The following RBFOX2 variants were observed in gnomAD, a reference collection of about 807,000 sequenced individuals.
RBFOX2 encodes the protein RNA binding fox-1 homolog 2.
RBFOX2 carries 10 observed loss-of-function variants against 49.1 expected under a neutral mutation model. The ratio of observed to expected loss-of-function variants is 0.20; its 90% CI spans 0.13 to 0.35. The LOEUF (loss-of-function observed/expected upper bound fraction) is 0.35, where lower values mean the gene tolerates loss of function less well. Among genes scored for constraint, RBFOX2 ranks in the 10% least tolerant of loss-of-function variants. The pLI, the probability that RBFOX2 is intolerant of heterozygous loss-of-function variation, is 1.00. For synonymous variants in RBFOX2, 183 were observed against 187.4 expected (o/e 0.98, Z 0.19); for missense variants, 323 against 486.9 (o/e 0.66, Z 3.17).
chr22:36,012,894 A>G (rs2058877658), intron 1 of RBFOX2, among the ~76,000 whole-genome samples: 1 of 151,982 alleles, frequency 6.6e-6, no homozygotes. Context: ...CCACCCAAGT[A>G]GCTGGGATTA....
At chr22:35,982,279 T>A (rs554929508) in intron 1 of RBFOX2, among the ~76,000 whole-genome samples, 33 of 152,272 alleles carry the variant, frequency 2.2e-4, no homozygotes, top group African/African-American at 7.5e-4. Context: ...TCTCTATTCT[T>A]TCTACTGTTT....
intron 1 of RBFOX2, among the ~76,000 whole-genome samples, chr22:35,991,838 G>T (rs1279036731): frequency 6.6e-6 from 1 of 152,056 alleles, no homozygotes; most frequent in Non-Finnish European, 1.5e-5. Flanking sequence ...TAAAAATGAG[G>T]CCTCAAGATT....
At chr22:35,897,867 T>C (rs2048057263) in intron 1 of RBFOX2, 1 of 733,664 alleles carries the variant, frequency 1.4e-6, no homozygotes, top group South Asian at 1.4e-5. Context: ...TTCTCAAATA[T>C]CTAGAAGAGC....
chr22:35,994,749 G>A (rs1450661689), intron 1 of RBFOX2: 1 of 151,394 alleles, frequency 6.6e-6, no homozygotes, highest in Non-Finnish European at 1.5e-5. Context: ...AGAGATGCGG[G>A]TCTCACTTTG....
intron 4 of RBFOX2, among the ~76,000 whole-genome samples, chr22:35,774,441 T>A (rs900031969): frequency 6.6e-6 from 1 of 152,176 alleles, no homozygotes; most frequent in African/African-American, 2.4e-5. Context: ...AGTACATTTT[T>A]AAAAGCCTAG....
chr22:35,803,022 C>T (rs892079138), intron 2 of RBFOX2, among the ~76,000 whole-genome samples: 10 of 152,074 alleles, frequency 6.6e-5, no homozygotes, highest in East Asian at 1.9e-4. Context: ...TAGGAAGACA[C>T]GGGTGCCTCC....
intron 4 of RBFOX2, among the ~76,000 whole-genome samples, chr22:35,774,189 A>G (rs1943356677): frequency 6.6e-6 from 1 of 152,108 alleles, no homozygotes; most frequent in African/African-American, 2.4e-5. Context: ...TGAGAGAGAA[A>G]GGGGTCATTT....
intron 1 of RBFOX2, among the ~76,000 whole-genome samples, chr22:35,949,626 A>G (rs1448313721): frequency 6.6e-6 from 1 of 152,066 alleles, no homozygotes; most frequent in Non-Finnish European, 1.5e-5. Flanking sequence ...GTTTTGATTT[A>G]TATTTCCTTT....
chr22:35,849,004 CAATGACCT>C (rs2041562255), intron 1 of RBFOX2, among the ~76,000 whole-genome samples: 1 of 152,080 alleles, frequency 6.6e-6, no homozygotes, highest in East Asian at 1.9e-4. Flanking sequence ...ATATGCTTGG[CAATGACCT>C]AACATTTTCT....
rs749116688 is a variant in RBFOX2 at position 35,947,143 on chromosome 22, G to T, written c.43-8246C>A. 2.6e-5 allele frequency among the ~76,000 whole-genome samples: 4 copies of T among 152,064 alleles called. No individual in the cohort carries two copies. In the East Asian group the frequency reaches 7.7e-4, roughly 29 times the overall value. On this transcript the variant is annotated intron_variant, in intron 1 of 5. Transcript: ENST00000408983. ...GGAAGCAGAGGCTGCAGTGAGCTGA[G>T]ATCGTGCCACTGCACTCCAGCCTGG...
At chr22:35,994,666 AAAGTGCTGG>A (rs2058115537) in intron 1 of RBFOX2, 1 of 152,102 alleles carries the variant, frequency 6.6e-6, no homozygotes, top group Non-Finnish European at 1.5e-5. Context: ...TCGGCCTCCC[AAAGTGCTGG>A]AATTACAAGC....
upstream of RBFOX2, among the ~76,000 whole-genome samples, chr22:35,962,251 A>C (rs2088176584): frequency 1.3e-5 from 2 of 152,134 alleles, no homozygotes; most frequent in African/African-American, 4.8e-5. Flanking sequence ...TGGGGAGGAG[A>C]ATTAGGTAAA....
At chr22:35,800,781 A>G (rs1358922087) in intron 2 of RBFOX2, among the ~76,000 whole-genome samples, 1 of 152,222 alleles carries the variant, frequency 6.6e-6, no homozygotes, top group African/African-American at 2.4e-5. Flanking sequence ...GCAAAGATGA[A>G]AAATGACTTT....
intron 3 of RBFOX2, among the ~76,000 whole-genome samples, chr22:35,779,799 C>T (rs1172229743): frequency 2.0e-5 from 3 of 152,154 alleles, no homozygotes; most frequent in East Asian, 3.8e-4. Context: ...AATAAAGCAA[C>T]TAGGTATCTC....
At chr22:35,768,082 GA>G (rs1203903672) in intron 5 of RBFOX2, among the ~76,000 whole-genome samples, 174 bp downstream of exon 6, 1 of 152,110 alleles carries the variant, frequency 6.6e-6, no homozygotes, top group African/African-American at 2.4e-5. Flanking sequence ...GAGGCAGATA[GA>G]AGTGTTACTT....
At chr22:36,002,872 C>T (rs1048036234) in intron 1 of RBFOX2, among the ~76,000 whole-genome samples, 1 of 152,252 alleles carries the variant, frequency 6.6e-6, no homozygotes, top group Non-Finnish European at 1.5e-5. Flanking sequence ...ATGATCCCCC[C>T]ACCTTGGCCT....
intron 1 of RBFOX2, among the ~76,000 whole-genome samples, chr22:35,895,028 G>A (rs1379335122): frequency 6.7e-6 from 1 of 149,924 alleles, no homozygotes; most frequent in Non-Finnish European, 1.5e-5. Flanking sequence ...CGCTCCAGCT[G>A]ACTGTTCTGT....
chr22:35,901,038 A>C lies in RBFOX2; in HGVS notation c.-34+37809T>G, dbSNP rs138635020. Among the ~76,000 whole-genome samples the C allele has an allele frequency of 4.0e-3, 608 of 152,346 alleles. 3 individuals are homozygous for C. Among genetic ancestry groups the C allele is most frequent in the Non-Finnish European group, 6.7e-3 (459 of 68,038 alleles). On this transcript the variant is annotated intron_variant, in intron 1 of 13. Transcript: ENST00000359369. ...CCAACCGCTACTATTTACTCAGAGCATATTATGTGCCACAACTTTGCATGC... is the reference window on the plus strand; with the variant it reads ...CCAACCGCTACTATTTACTCAGAGCCTATTATGTGCCACAACTTTGCATGC...
chr22:35,783,401 A>G (rs1945639569), intron 2 of RBFOX2, among the ~76,000 whole-genome samples: 1 of 152,132 alleles, frequency 6.6e-6, no homozygotes. Context: ...TTAAGTGAAA[A>G]TATATTACAA....
Sources: allele counts gnomAD v4.1 joint callset (sites outside exome capture counted in the v4.1 genomes callset), GRCh38; gene constraint gnomAD v4.1.1; transcripts MANE v1.5; gene names NCBI Gene and HGNC (gene_info 2026-07-23, HGNC 2026-07-21).